KDM4C: variants seen among roughly 807,000 people sequenced by gnomAD.
The protein encoded by KDM4C is lysine-specific demethylase 4C.
KDM4C carries 81 observed loss-of-function variants against 129.3 expected under a neutral mutation model. The ratio of observed to expected loss-of-function variants is 0.63; its 90% confidence interval spans 0.52 to 0.75. The LOEUF is 0.75. Among genes scored for constraint, KDM4C ranks in the 30% least tolerant of loss-of-function variants. The pLI, the probability that KDM4C is intolerant of heterozygous loss-of-function variation, is 0.00. For synonymous variants in KDM4C, 573 were observed against 456.1 expected, an observed-to-expected ratio of 1.26 and a Z score of -3.26; for missense variants, 1,457 against 1,304.0, an observed-to-expected ratio of 1.12 and a Z score of -1.81.
intron 12 of KDM4C, among the ~76,000 whole-genome samples, chr9:6,991,956 G>A (rs1818825401): frequency 1.3e-5 from 2 of 152,034 alleles, no homozygotes; most frequent in South Asian, 4.1e-4. Context: ...TCTGATTCAA[G>A]TAATAGAAGT....
intron 1 of KDM4C, chr9:6,721,135 G>A (rs1816933584): frequency 2.9e-6 from 2 of 697,786 alleles, no homozygotes; most frequent in Non-Finnish European, 4.8e-6. Context: ...GGGCAGTGGT[G>A]CAATCACACC....
intron 12 of KDM4C, among the ~76,000 whole-genome samples, chr9:6,991,644 T>C (rs565100971): frequency 5.8e-4 from 89 of 152,318 alleles, no homozygotes; most frequent in Non-Finnish European, 1.0e-3. Flanking sequence ...GAAGCTCAAG[T>C]TTCTTGTTTA....
At chr9:7,042,503 T>G (rs1399494736) in intron 15 of KDM4C, among the ~76,000 whole-genome samples, 1 of 152,124 alleles carries the variant, frequency 6.6e-6, no homozygotes. Flanking sequence ...AATTGTTATA[T>G]GCTGTCGGGT....
At chr9:6,918,354 A>G (rs532586437) in intron 8 of KDM4C, among the ~76,000 whole-genome samples, 26 of 152,112 alleles carry the variant, frequency 1.7e-4, no homozygotes, top group Non-Finnish European at 1.9e-4. Context: ...ACATGATTTT[A>G]TTCTTTTTAT....
intron 8 of KDM4C, among the ~76,000 whole-genome samples, chr9:6,948,694 G>C (rs1215012521): frequency 4.0e-5 from 6 of 151,740 alleles, no homozygotes; most frequent in Non-Finnish European, 5.9e-5. Flanking sequence ...CTCTTAACGA[G>C]CATGCTGCCT....
At chr9:6,721,041 TTGG>T (rs1275229057) in intron 1 of KDM4C, 15 of 1,503,200 alleles carry the variant, frequency 1.0e-5, no homozygotes, top group African/African-American at 1.4e-5. Flanking sequence ...TTGTACATAG[TTGG>T]TGGTTCTGTC....
chr9:6,771,008 T>C (rs1821706428), intron 1 of KDM4C, among the ~76,000 whole-genome samples: 1 of 150,450 alleles, frequency 6.6e-6, no homozygotes, highest in African/African-American at 2.4e-5. Flanking sequence ...ACTCCTGACC[T>C]CGTGATCCAC....
At chr9:7,151,668 A>T (rs1367229769) in intron 19 of KDM4C, among the ~76,000 whole-genome samples, 1 of 152,194 alleles carries the variant, frequency 6.6e-6, no homozygotes, top group African/African-American at 2.4e-5. Context: ...GACAGGAGTG[A>T]GACCCTGTGT....
intron 20 of KDM4C, among the ~76,000 whole-genome samples, chr9:7,167,582 G>C (rs1844520258): frequency 6.6e-6 from 1 of 152,200 alleles, no homozygotes; most frequent in African/African-American, 2.4e-5. Context: ...CCTCCCGGAA[G>C]TGACAGCAAG....
At chr9:6,772,838 G>GCACACTACTACA (rs1822171480) in intron 1 of KDM4C, among the ~76,000 whole-genome samples, 1 of 149,694 alleles carries the variant, frequency 6.7e-6, no homozygotes, top group African/African-American at 2.5e-5. Context: ...GATTACAGGT[G>GCACACTACTACA]CGTGCCACCC....
intron 1 of KDM4C, among the ~76,000 whole-genome samples, chr9:6,763,123 T>C (rs935476909): frequency 2.6e-5 from 4 of 151,862 alleles, no homozygotes; most frequent in African/African-American, 9.7e-5. Context: ...ATACTAACAG[T>C]CAGAATAATT....
At chr9:7,006,888 C>A (rs1005783576) in intron 12 of KDM4C, among the ~76,000 whole-genome samples, 4 of 151,996 alleles carry the variant, frequency 2.6e-5, no homozygotes, top group African/African-American at 9.7e-5. Flanking sequence ...GTATATGATC[C>A]AGGAGTTTCA....
chr9:6,734,119 A>G (rs1203031553), intron 1 of KDM4C, among the ~76,000 whole-genome samples: 1 of 152,038 alleles, frequency 6.6e-6, no homozygotes. Flanking sequence ...CCTATTCAAG[A>G]TGGAGTTGGT....
chr9:6,768,569 T>A (rs1291311962), intron 1 of KDM4C, among the ~76,000 whole-genome samples: 1 of 152,182 alleles, frequency 6.6e-6, no homozygotes, highest in Non-Finnish European at 1.5e-5. Context: ...TTTAGATTCT[T>A]CATATTTCAC....
chr9:7,094,028 C>A (rs1159337637), intron 17 of KDM4C, among the ~76,000 whole-genome samples: 1 of 152,222 alleles, frequency 6.6e-6, no homozygotes, highest in African/African-American at 2.4e-5. Context: ...TGCTAAACCT[C>A]TTACGTATGC....
upstream of KDM4C, among the ~76,000 whole-genome samples, chr9:6,755,051 A>G (rs562705649): frequency 2.6e-5 from 4 of 152,026 alleles, no homozygotes; most frequent in African/African-American, 9.6e-5. Flanking sequence ...CCGCCTGGCC[A>G]ATGTGGCGAA....
intron 1 of KDM4C, among the ~76,000 whole-genome samples, chr9:6,770,665 A>G (rs1263636883): frequency 6.6e-6 from 1 of 151,924 alleles, no homozygotes; most frequent in Non-Finnish European, 1.5e-5. Context: ...TAATAATGAA[A>G]AAAGCAAGGA....
chr9:7,034,153 G>C (rs923356170), intron 15 of KDM4C, among the ~76,000 whole-genome samples: 7 of 152,204 alleles, frequency 4.6e-5, no homozygotes, highest in Middle Eastern at 3.4e-3. Context: ...ACAATGTATA[G>C]TGATCAGGGC....
At chr9:6,842,655 A>C (rs559812706) in intron 4 of KDM4C, among the ~76,000 whole-genome samples, 64 of 152,090 alleles carry the variant, frequency 4.2e-4, no homozygotes, top group African/African-American at 1.4e-3. Flanking sequence ...TGTTTTTAAA[A>C]GTTGGTTAAT....
Sources: allele counts gnomAD v4.1 joint callset (sites outside exome capture counted in the v4.1 genomes callset), GRCh38; gene constraint gnomAD v4.1.1; transcripts MANE v1.5; gene names NCBI Gene and HGNC (gene_info 2026-07-23, HGNC 2026-07-21).